Variants in PTCD1 observed in about 807,000 individuals in gnomAD.
PTCD1 encodes pentatricopeptide repeat domain 1.
Under a neutral mutation model 53.4 loss-of-function variants are expected in PTCD1, and 50 were observed. That is an observed-to-expected ratio of 0.94 (90% confidence interval 0.75 to 1.19). The LOEUF (loss-of-function observed/expected upper bound fraction) is 1.19, where lower values mean the gene tolerates loss of function less well. PTCD1 is among the 50% of genes most tolerant of loss of function. The pLI, the probability that PTCD1 is intolerant of heterozygous loss-of-function variation, is 0.00. For synonymous variants in PTCD1, 413 were observed against 394.8 expected (o/e 1.05, Z -0.55); for missense variants, 918 against 904.8 (o/e 1.01, Z -0.19).
chr7:99,420,722 C>T lies in PTCD1; in HGVS notation c.1921-573G>A, dbSNP rs528193950. ...CTGTAATCCCAGCACTTTGAGAGGC[C>T]GAGGTGGGCAGATCACTTGAGGTCA... is the stretch of plus-strand genomic sequence containing the variant. On this transcript the variant is annotated intron_variant, in intron 7 of 7. Coordinates refer to ENST00000292478, the MANE Select transcript of PTCD1 (RefSeq NM_015545.4). Among the ~76,000 whole-genome samples the T allele has an allele frequency of 3.9e-5, 6 of 152,230 alleles. No homozygotes were observed. The South Asian group carries it at 1.0e-3, about 26-fold the overall frequency.
chr7:99,422,426 C>T (rs532454734), intron 7 of PTCD1, among the ~76,000 whole-genome samples: 1 of 152,322 alleles, frequency 6.6e-6, no homozygotes, highest in Admixed American at 6.5e-5. Context: ...ACCCCAGAGC[C>T]TGATAGCCTC....
In PTCD1 at chr7:99,417,658, A is replaced by G; in HGVS notation, c.*2309T>C. The G allele has an allele frequency of 1.3e-6, 2 of 1,594,184 alleles. No individual in the cohort carries two copies. Among genetic ancestry groups the G allele is most frequent in the Non-Finnish European group, 1.7e-6 (2 of 1,176,004 alleles). ...TCAAAATTCTGCCTTAGTCGACTGC[A>G]AGGGATCTTATGTTATTTGGTTGGG... On this transcript the variant is annotated 3_prime_UTR_variant, in exon 8 of 8. Transcript: ENST00000292478.
intron 5 of PTCD1, among the ~76,000 whole-genome samples, chr7:99,427,343 G>A (rs1210390635): frequency 2.1e-4 from 30 of 145,528 alleles, no homozygotes; most frequent in Middle Eastern, 3.6e-3. Flanking sequence ...CGCCCCGTCC[G>A]GGAGGGAGGT....
intron 3 of PTCD1, among the ~76,000 whole-genome samples, chr7:99,431,842 G>A (rs1030978441): frequency 6.6e-6 from 1 of 152,222 alleles, no homozygotes. Flanking sequence ...TCTGTACTAA[G>A]AGAAATTCTT....
chr7:99,434,248 C>A (rs1046193490), intron 2 of PTCD1, among the ~76,000 whole-genome samples: 5 of 151,866 alleles, frequency 3.3e-5, no homozygotes, highest in Non-Finnish European at 7.4e-5. Context: ...GAGTTTGAGA[C>A]CAGCCTGGCC....
At chr7:99,425,867 G>T (rs934990109) in intron 5 of PTCD1, among the ~76,000 whole-genome samples, 1 of 152,200 alleles carries the variant, frequency 6.6e-6, no homozygotes, top group African/African-American at 2.4e-5. Flanking sequence ...AGGAGTTCGA[G>T]ACCAGCCCGA....
Position 99,417,541 on chromosome 7 carries a change from C to A in PTCD1, c.*2426G>T. 1 of 1,611,910 alleles carries A rather than the reference C, an allele frequency of 6.2e-7. No individual in the cohort carries two copies. Among genetic ancestry groups the A allele is most frequent in the Non-Finnish European group, 8.5e-7 (1 of 1,178,452 alleles). ...GCCTGCGGTGCATTCAGACACGGGA[C>A]ACCAACTTCGGGACGAACTGCATCT... On this transcript the variant is annotated 3_prime_UTR_variant, in exon 8 of 8. Coordinates refer to ENST00000292478, the MANE Select transcript of PTCD1 (RefSeq NM_015545.4).
chr7:99,426,472 G>T (rs1205007451), intron 5 of PTCD1, among the ~76,000 whole-genome samples: 1 of 152,142 alleles, frequency 6.6e-6, no homozygotes, highest in Non-Finnish European at 1.5e-5. Context: ...GATTGCAGAC[G>T]GAGTCTCGTT....
chr7:99,425,544 G>A lies in PTCD1; in HGVS notation c.988C>T (p.Arg330Trp), dbSNP rs538496381. Reference sequence around the variant, plus strand: ...TGGGGGTCCCCTAGGCCACAGTCCCGAGCTGCCACCAACAGCAGGTTGTAG... The same window carrying A: ...TGGGGGTCCCCTAGGCCACAGTCCCAAGCTGCCACCAACAGCAGGTTGTAG... ...DSYNLLLVAARDCGLGDPQVA... is the reference protein window; with the variant it reads ...DSYNLLLVAAWDCGLGDPQVA... Residue 330 changes from arginine (R) to tryptophan (W), a missense_variant, in exon 6 of 8, where the codon CGG becomes TGG. Transcript: ENST00000292478. 29 of 1,612,714 alleles carry A rather than the reference G, an allele frequency of 1.8e-5. No individual in the cohort carries two copies. The East Asian group carries it at 3.8e-4, about 21-fold the overall frequency.
In PTCD1 at chr7:99,435,133, C is replaced by T. The variant is rs753163120; in HGVS notation, c.110G>A (p.Gly37Glu). The T allele has an allele frequency of 6.2e-7, 1 of 1,601,390 alleles. No homozygotes were observed. Among genetic ancestry groups the T allele is most frequent in the South Asian group, 1.1e-5 (1 of 90,810 alleles). Residue 37 changes from glycine (G) to glutamate (E), a missense_variant, in exon 2 of 8, where the codon GGG (glycine) becomes GAG (glutamate). Coordinates refer to ENST00000292478, the MANE Select transcript of PTCD1 (RefSeq NM_015545.4). ...CRARWAGGREGLMRPMWAPFS... is the reference protein window; with the variant it reads ...CRARWAGGREELMRPMWAPFS... ...GGGCGCCCACATTGGCCGCATCAGC[C>T]CCTCCCTGCCTCCTGCCCACCTGGC...
At chr7:99,434,594 C>CAA (rs149310419) in intron 2 of PTCD1, among the ~76,000 whole-genome samples, 196 bp downstream of exon 2, 1 of 117,876 alleles carries the variant, frequency 8.5e-6, no homozygotes. Flanking sequence ...TCCGTCTCTA[C>CAA]AAAAAAAAAA....
chr7:99,417,304 C>T lies in PTCD1; in HGVS notation c.*2663G>A, dbSNP rs740159. On this transcript the variant is annotated 3_prime_UTR_variant, in exon 8 of 8. Transcript: ENST00000292478. ...CTGACCTCAGGTGATCCGCCTGCCTCGGCCTCCCAAAGTGCTGGGATTACA... is the reference window on the plus strand; with the variant it reads ...CTGACCTCAGGTGATCCGCCTGCCTTGGCCTCCCAAAGTGCTGGGATTACA... 3,479 of 928,624 alleles carry T rather than the reference C, an allele frequency of 3.7e-3. 45 individuals carry two copies. In the African/African-American group the frequency reaches 0.039, roughly 10 times the overall value. The allele number at this position is 928,624 out of a possible 1,614,324, so 57.5% of individuals were successfully genotyped here.
At chr7:99,425,935 G>A (rs528015014) in intron 5 of PTCD1, among the ~76,000 whole-genome samples, 49 of 152,208 alleles carry the variant, frequency 3.2e-4, no homozygotes, top group Non-Finnish European at 6.2e-4. Flanking sequence ...GTGTGGTATT[G>A]CATGCCCACA....
chr7:99,424,892 G>C lies in PTCD1; in HGVS notation c.1640C>G (p.Ala547Gly). 3 of 1,614,260 alleles carry C rather than the reference G, an allele frequency of 1.9e-6. No individual in the cohort carries two copies. The highest frequency in any genetic ancestry group is 1.7e-6 in the Non-Finnish European group (2 of 1,180,050). The change falls in exon 6 of 8, where the codon GCA becomes GGA. Residue 547 changes from alanine (A) to glycine (G), a missense_variant. Coordinates refer to ENST00000292478, the MANE Select transcript of PTCD1 (RefSeq NM_015545.4). ...CAGGTTGGGGACGAGGCCCCTCTTT[G>C]CCAGGACCGGCAACAGCGCCTTGGC... ...EGAKALLPVLAKRGLVPNLQT... is the reference protein window; with the variant it reads ...EGAKALLPVLGKRGLVPNLQT...
rs1441590126 is a variant in PTCD1, at chr7:99,434,699, T to TA, written c.453+90dup. The TA allele has an allele frequency of 3.2e-4, 501 of 1,557,670 alleles. 5 individuals carry two copies. In the South Asian group the frequency reaches 5.3e-3, roughly 17 times the overall value. ...AGTTCAACAGGGTAGGCCCAAAACTTAGAGGCTGGGAAAGTCAGGTGACCC... is the reference window on the plus strand; with the variant it reads ...AGTTCAACAGGGTAGGCCCAAAACTTAAGAGGCTGGGAAAGTCAGGTGACCC... On this transcript the variant is annotated intron_variant, in intron 2 of 7. Coordinates refer to ENST00000292478, the MANE Select transcript of PTCD1 (RefSeq NM_015545.4).
chr7:99,417,954 A>C lies in PTCD1; in HGVS notation c.*2013T>G. The C allele has an allele frequency of 8.2e-7, 1 of 1,217,302 alleles. No individual in the cohort carries two copies. Among genetic ancestry groups the C allele is most frequent in the East Asian group, 5.2e-5 (1 of 19,050 alleles). The allele number at this position is 1,217,302 out of a possible 1,614,324, so 75.4% of individuals were successfully genotyped here. On this transcript the variant is annotated 3_prime_UTR_variant, in exon 8 of 8. Transcript: ENST00000292478. ...CTTTCAGTCCTCACAGTGATACTTT[A>C]ACATTACCATCACTATCTTTCCCGC... is the stretch of plus-strand genomic sequence containing the variant.
chr7:99,429,848 T>C (rs540789571), intron 3 of PTCD1, 42 bp from the exon 4 acceptor site: 1 of 1,610,600 alleles, frequency 6.2e-7, no homozygotes, highest in African/African-American at 1.3e-5. Context: ...CGGGATCAGC[T>C]GGACGCACAG....
chr7:99,434,051 C>CAAA (rs552163766), intron 2 of PTCD1, among the ~76,000 whole-genome samples: 1 of 48,658 alleles, frequency 2.1e-5, no homozygotes, highest in African/African-American at 7.9e-5. Context: ...GACTCCATCT[C>CAAA]AAAAAAAAAA....
chr7:99,417,586 G>T lies in PTCD1; in HGVS notation c.*2381C>A. 1 of 1,612,048 alleles carries T rather than the reference G, an allele frequency of 6.2e-7. No homozygotes were observed. The highest frequency in any genetic ancestry group is 1.1e-5 in the South Asian group (1 of 91,088). ...GCATCTGCCGCGTGCCCAAAAGCAA[G>T]CTGGAAGTGGTAATGTCTGACACTC... On this transcript the variant is annotated 3_prime_UTR_variant, in exon 8 of 8. Transcript: ENST00000292478.
Sources: allele counts gnomAD v4.1 joint callset (sites outside exome capture counted in the v4.1 genomes callset), GRCh38; gene constraint gnomAD v4.1.1; transcripts MANE v1.5; gene names NCBI Gene and HGNC (gene_info 2026-07-23, HGNC 2026-07-21).